The following MKLN1 variants were observed in gnomAD, a reference collection of about 807,000 sequenced individuals.
MKLN1 encodes muskelin.
Under a neutral mutation model 99.0 loss-of-function variants are expected in MKLN1, and 18 were observed. The observed-to-expected ratio is 0.18, with a 90% confidence interval of 0.13 to 0.27. The LOEUF (loss-of-function observed/expected upper bound fraction) is 0.27, where lower values mean the gene tolerates loss of function less well. MKLN1 is among the 10% of genes least tolerant of loss of function. MKLN1 has a pLI of 1.00. For synonymous variants in MKLN1, 288 were observed against 293.2 expected, an observed-to-expected ratio of 0.98 and a Z score of 0.18; for missense variants, 621 against 875.9, an observed-to-expected ratio of 0.71 and a Z score of 3.67.
At chr7:131,409,553 T>A (rs948748681) in intron 6 of MKLN1, among the ~76,000 whole-genome samples, 3 of 152,144 alleles carry the variant, frequency 2.0e-5, no homozygotes, top group African/African-American at 7.2e-5. Context: ...AGCTGAAAAG[T>A]CTTGAAAGCG....
chr7:131,451,276 GTTAA>G (rs1796168606), intron 12 of MKLN1, among the ~76,000 whole-genome samples: 2 of 151,864 alleles, frequency 1.3e-5, no homozygotes, highest in South Asian at 2.1e-4. Context: ...TTTTACTACA[GTTAA>G]TTACTGTAAT....
intron 12 of MKLN1, among the ~76,000 whole-genome samples, chr7:131,449,116 A>G (rs979149885): frequency 1.3e-5 from 2 of 152,230 alleles, no homozygotes; most frequent in African/African-American, 2.4e-5. Context: ...ATCTTTGAGG[A>G]GGTAATCTTT....
At chr7:131,476,058 G>A (rs1796957471) in intron 16 of MKLN1, among the ~76,000 whole-genome samples, 1 of 152,078 alleles carries the variant, frequency 6.6e-6, no homozygotes, top group African/African-American at 2.4e-5. Context: ...GAAAACCATA[G>A]ATCATCTTAG....
chr7:131,289,844 A>C (rs1798191015), intron 3 of MKLN1, among the ~76,000 whole-genome samples: 1 of 152,188 alleles, frequency 6.6e-6, no homozygotes, highest in Non-Finnish European at 1.5e-5. Context: ...CATTCACTAC[A>C]TTCCAGCCAC....
intron 3 of MKLN1, among the ~76,000 whole-genome samples, chr7:131,245,582 A>T (rs1797475246): frequency 6.6e-6 from 1 of 152,086 alleles, no homozygotes; most frequent in Non-Finnish European, 1.5e-5. Flanking sequence ...GCCCGGCCCT[A>T]TACTGTCTTT....
chr7:131,475,415 A>G (rs1349090306), intron 16 of MKLN1, among the ~76,000 whole-genome samples: 1 of 152,234 alleles, frequency 6.6e-6, no homozygotes, highest in African/African-American at 2.4e-5. Context: ...TTTATCAACC[A>G]TTCAAAGAAG....
chr7:131,335,361 G>C (rs1027499618), intron 1 of MKLN1, among the ~76,000 whole-genome samples: 10 of 152,154 alleles, frequency 6.6e-5, no homozygotes, highest in African/African-American at 2.2e-4. Flanking sequence ...AAATTTTACT[G>C]ATTAAGATTA....
intron 1 of MKLN1, among the ~76,000 whole-genome samples, chr7:131,341,886 A>G (rs989683749): frequency 2.0e-5 from 3 of 152,076 alleles, no homozygotes; most frequent in Admixed American, 6.6e-5. Flanking sequence ...TTGCTAACCC[A>G]CCGCCACTCA....
chr7:131,227,535 T>TTCTTTCTTTCTC (rs1191244680), intron 3 of MKLN1, among the ~76,000 whole-genome samples: 8 of 145,878 alleles, frequency 5.5e-5, no homozygotes, highest in East Asian at 2.0e-4. Context: ...CTTTCTTTCT[T>TTCTTTCTTTCTC]TCTCTCTTTC....
In MKLN1 at chr7:131,346,244, C is replaced by T. The variant is rs112282404; in HGVS notation, c.98+18247C>T. On this transcript the variant is annotated intron_variant, in intron 1 of 17. Transcript: ENST00000352689. ...TTATTAAAAATTAACAATATTAGGG[C>T]GGGTGTGGTGGCTCATGCCTGTAAT... is the stretch of plus-strand genomic sequence containing the variant. 5.6e-3 allele frequency among the ~76,000 whole-genome samples: 846 copies of T among 152,190 alleles called. 10 individuals are homozygous for T. Among genetic ancestry groups the T allele is most frequent in the African/African-American group, 0.019 (809 of 41,560 alleles).
At chr7:131,345,840 A>G (rs1232734158) in intron 1 of MKLN1, among the ~76,000 whole-genome samples, 1 of 152,258 alleles carries the variant, frequency 6.6e-6, no homozygotes, top group Non-Finnish European at 1.5e-5. Context: ...AATCGTATCT[A>G]ATACCTTTAC....
At chr7:131,473,228 C>T (rs1796875779) in intron 16 of MKLN1, among the ~76,000 whole-genome samples, 1 of 151,154 alleles carries the variant, frequency 6.6e-6, no homozygotes, top group African/African-American at 2.4e-5. Flanking sequence ...GAAATCATTC[C>T]ACTCATTGAG....
chr7:131,223,910 G>A (rs951643813), intron 3 of MKLN1, among the ~76,000 whole-genome samples: 10 of 152,020 alleles, frequency 6.6e-5, no homozygotes, highest in African/African-American at 2.2e-4. Flanking sequence ...GGGATTACAG[G>A]CACACACCAC....
Position 131,353,903 on chromosome 7 carries a change from T to TAAA in MKLN1, c.99-21502_99-21500dup, listed in dbSNP as rs35581656. Among the ~76,000 whole-genome samples, 15 of 113,716 alleles carry TAAA rather than the reference T, an allele frequency of 1.3e-4. 1 individual carries two copies. Among genetic ancestry groups the TAAA allele is most frequent in the Non-Finnish European group, 2.0e-4 (11 of 55,498 alleles). 74.6% of individuals were successfully genotyped at this position (113,716 alleles called of 152,430 possible). On this transcript the variant is annotated intron_variant, in intron 1 of 17. Transcript: ENST00000352689. ...TTGTTGAATTGCTTTTGTACCTTTG[T>TAAA]AAAAAAAAAAAAAAAAAAAAACCAG...
At chr7:131,471,999 G>T (rs1796833110) in intron 16 of MKLN1, 1 of 152,220 alleles carries the variant, frequency 6.6e-6, no homozygotes. Context: ...GAATCTGCAG[G>T]ACATGCTTTA....
At chr7:131,355,996 T>C (rs1310741881) in intron 1 of MKLN1, among the ~76,000 whole-genome samples, 1 of 152,032 alleles carries the variant, frequency 6.6e-6, no homozygotes, top group Non-Finnish European at 1.5e-5. Context: ...TAGAACAGTT[T>C]TAGATTTACT....
chr7:131,358,908 T>G (rs188517808), intron 1 of MKLN1, among the ~76,000 whole-genome samples: 1 of 152,270 alleles, frequency 6.6e-6, no homozygotes, highest in East Asian at 1.9e-4. Flanking sequence ...TCTCTGTTTT[T>G]TTCTTTGTTA....
Position 131,445,910 on chromosome 7 carries a change from G to A in MKLN1, c.1525+7G>A, listed in dbSNP as rs761287766. 3 of 1,569,190 alleles carry A rather than the reference G, an allele frequency of 1.9e-6. No individual in the cohort carries two copies. The Admixed American group carries it at 5.3e-5, about 28-fold the overall frequency. On this transcript the variant is annotated splice_region_variant and intron_variant, in intron 12 of 17. Coordinates refer to ENST00000352689, the MANE Select transcript of MKLN1 (RefSeq NM_013255.5). The stretch of plus-strand genomic sequence containing the variant: ...AAGAAAGACTCTGGGATGGGTAAGG[G>A]CATTGAGTGATTTCTTCTCTCATGT...
At chr7:131,175,968 T>C (rs1796293277) in intron 2 of MKLN1, among the ~76,000 whole-genome samples, 1 of 152,042 alleles carries the variant, frequency 6.6e-6, no homozygotes, top group Admixed American at 6.6e-5. Context: ...AACGAACAAA[T>C]ACCCCATTTA....
Sources: gnomAD v4.1 joint callset for allele counts (sites outside exome capture counted in the v4.1 genomes callset) on GRCh38, gnomAD v4.1.1 for gene constraint, MANE v1.5 for transcripts, NCBI Gene and HGNC (gene_info 2026-07-23, HGNC 2026-07-21) for gene names.